ATRNL1: variants seen among roughly 807,000 people sequenced by gnomAD.
ATRNL1 encodes the protein attractin-like protein 1.
A neutral mutation model predicts 182.7 loss-of-function variants in ATRNL1; 95 were observed. The ratio of observed to expected loss-of-function variants is 0.52; its 90% CI spans 0.44 to 0.62. The LOEUF (loss-of-function observed/expected upper bound fraction) is 0.62, where lower values mean the gene tolerates loss of function less well. Among genes scored for constraint, ATRNL1 ranks in the 20% least tolerant of loss-of-function variants. ATRNL1 has a pLI of 0.00. For missense variants in ATRNL1, 1,471 were observed against 1,679.5 expected (o/e 0.88, Z 2.17); for synonymous variants, 576 against 568.3 (o/e 1.01, Z -0.19).
intron 26 of ATRNL1, among the ~76,000 whole-genome samples, chr10:115,666,690 C>A (rs1048579567): frequency 1.3e-5 from 2 of 151,996 alleles, no homozygotes; most frequent in Non-Finnish European, 2.9e-5. Flanking sequence ...AAATCTAGTT[C>A]CCCAGTCATA....
At chr10:115,204,122 G>C (rs1254091587) in intron 8 of ATRNL1, among the ~76,000 whole-genome samples, 1 of 151,840 alleles carries the variant, frequency 6.6e-6, no homozygotes, top group African/African-American at 2.4e-5. Flanking sequence ...ATATAAAAAT[G>C]CTACTGATTT....
intron 26 of ATRNL1, among the ~76,000 whole-genome samples, chr10:115,560,120 A>C (rs1316546547): frequency 6.6e-6 from 1 of 152,224 alleles, no homozygotes; most frequent in Non-Finnish European, 1.5e-5. Context: ...ACTAAAAACG[A>C]ATTCAATTCA....
intron 26 of ATRNL1, among the ~76,000 whole-genome samples, chr10:115,549,737 AT>A (rs1253065219): frequency 2.0e-5 from 3 of 151,998 alleles, no homozygotes; most frequent in Non-Finnish European, 4.4e-5. Flanking sequence ...TTGTAAAAGC[AT>A]TGGTTTGTTG....
intron 20 of ATRNL1, among the ~76,000 whole-genome samples, chr10:115,402,734 A>G (rs1405388704): frequency 6.6e-6 from 1 of 152,152 alleles, no homozygotes; most frequent in Non-Finnish European, 1.5e-5. Context: ...TCAGGATCTT[A>G]ATTGTGCTAA....
rs1565334914 is a variant in ATRNL1 at position 115,738,125 on chromosome 10, G to GTTT, written c.3903+10770_3903+10771insTTT. Among the ~76,000 whole-genome samples, 108 of 53,184 alleles carry GTTT rather than the reference G, an allele frequency of 2.0e-3. 12 individuals carry two copies. The highest frequency in any genetic ancestry group is 3.0e-3 in the Non-Finnish European group (78 of 26,274). 34.9% of individuals were successfully genotyped at this position (53,184 alleles called of 152,430 possible). On this transcript the variant is annotated intron_variant, in intron 27 of 28. Transcript: ENST00000355044. ...CATAAAAAATGATTTAGAAGATAAT[G>GTTT]ATTTTTTTTTTTTTTTTTTTTTTTT...
At chr10:115,484,197 T>C (rs142984211) in intron 24 of ATRNL1, among the ~76,000 whole-genome samples, 207 of 151,704 alleles carry the variant, frequency 1.4e-3, no homozygotes, top group African/African-American at 4.7e-3. Flanking sequence ...CTCATTGATA[T>C]TAGGTTATGA....
chr10:115,199,302 T>A (rs1203192847), intron 8 of ATRNL1, among the ~76,000 whole-genome samples: 1 of 152,100 alleles, frequency 6.6e-6, no homozygotes, highest in Non-Finnish European at 1.5e-5. Context: ...CTGGGTGCAG[T>A]GGCTCCTGTA....
intron 26 of ATRNL1, among the ~76,000 whole-genome samples, chr10:115,576,081 T>C (rs1279814840): frequency 6.6e-6 from 1 of 152,080 alleles, no homozygotes; most frequent in Non-Finnish European, 1.5e-5. Context: ...TCTCTTTTTT[T>C]AAGAGTAAAT....
rs988946765 is a variant in ATRNL1 at position 115,179,058 on chromosome 10, C to T, written c.1348+7766C>T. Among the ~76,000 whole-genome samples, 17 of 151,942 alleles carry T rather than the reference C, an allele frequency of 1.1e-4. No homozygotes were observed. In the East Asian group the frequency reaches 1.5e-3, roughly 14 times the overall value. On this transcript the variant is annotated intron_variant, in intron 8 of 28. Coordinates refer to ENST00000355044, the MANE Select transcript of ATRNL1 (RefSeq NM_207303.4). ...ATAAATATTTGTGGATGAATAAATA[C>T]GATTTTCATCACACTTTCCTTAAAA... is the stretch of plus-strand genomic sequence containing the variant.
chr10:115,522,922 C>T (rs1851019458), intron 25 of ATRNL1, among the ~76,000 whole-genome samples: 1 of 152,200 alleles, frequency 6.6e-6, no homozygotes, highest in Non-Finnish European at 1.5e-5. Context: ...GGTTCCATGT[C>T]CTGCACCCTG....
At chr10:115,928,060 GA>G (rs1482854058) in intron 28 of ATRNL1, among the ~76,000 whole-genome samples, 3 of 152,084 alleles carry the variant, frequency 2.0e-5, no homozygotes, top group Admixed American at 1.3e-4. Context: ...GTTAAACCAG[GA>G]AATTTCTAAG....
chr10:115,200,875 C>T (rs1424099544), intron 8 of ATRNL1, among the ~76,000 whole-genome samples: 4 of 149,720 alleles, frequency 2.7e-5, no homozygotes, highest in East Asian at 2.0e-4. Flanking sequence ...TTCTCCACAT[C>T]CTCTCCAGCA....
chr10:115,349,887 T>C (rs1329376910), intron 19 of ATRNL1, among the ~76,000 whole-genome samples: 4 of 152,214 alleles, frequency 2.6e-5, no homozygotes, highest in Non-Finnish European at 4.4e-5. Context: ...GCAAATACTT[T>C]CTCCCCATTC....
chr10:115,219,992 C>T (rs1011711501), intron 9 of ATRNL1, among the ~76,000 whole-genome samples: 1 of 152,230 alleles, frequency 6.6e-6, no homozygotes, highest in Non-Finnish European at 1.5e-5. Flanking sequence ...CAAAAACAAA[C>T]GTTTTATTGT....
chr10:115,702,256 A>C (rs1946760980), intron 26 of ATRNL1, among the ~76,000 whole-genome samples: 1 of 152,056 alleles, frequency 6.6e-6, no homozygotes, highest in Non-Finnish European at 1.5e-5. Flanking sequence ...CTAGTCATCA[A>C]AGGAATGTAC....
intron 27 of ATRNL1, among the ~76,000 whole-genome samples, chr10:115,737,964 C>T (rs1307308420): frequency 6.6e-6 from 1 of 151,894 alleles, no homozygotes; most frequent in African/African-American, 2.4e-5. Flanking sequence ...TTCCCTCCAC[C>T]AGAGTTTCTA....
intron 28 of ATRNL1, among the ~76,000 whole-genome samples, chr10:115,876,723 C>T (rs546246095): frequency 1.4e-4 from 21 of 152,242 alleles, no homozygotes; most frequent in African/African-American, 4.3e-4. Flanking sequence ...TTGCTAAGGT[C>T]GTGTACATTG....
intron 27 of ATRNL1, among the ~76,000 whole-genome samples, chr10:115,802,786 A>C (rs376733931): frequency 2.0e-5 from 3 of 152,206 alleles, no homozygotes; most frequent in Non-Finnish European, 4.4e-5. Context: ...TCAGAAGCCT[A>C]TAAGGCTAAT....
chr10:115,463,152 TCTTTC>T (rs1458166035), intron 22 of ATRNL1, among the ~76,000 whole-genome samples: 1 of 151,902 alleles, frequency 6.6e-6, no homozygotes, highest in Non-Finnish European at 1.5e-5. Context: ...TTTTGCAACT[TCTTTC>T]CTTTTAACGT....
Sources: gnomAD v4.1 joint callset for allele counts (sites outside exome capture counted in the v4.1 genomes callset) on GRCh38, gnomAD v4.1.1 for gene constraint, MANE v1.5 for transcripts, NCBI Gene and HGNC (gene_info 2026-07-23, HGNC 2026-07-21) for gene names.